The following ZC2HC1B variants were observed in gnomAD, a reference collection of about 807,000 sequenced individuals.
The protein encoded by ZC2HC1B is zinc finger C2HC domain-containing protein 1B.
Under a neutral mutation model 31.0 loss-of-function variants are expected in ZC2HC1B, and 36 were observed. That is an observed-to-expected ratio of 1.16 (90% CI 0.89 to 1.54). ZC2HC1B has a LOEUF of 1.54. Among genes scored for constraint, ZC2HC1B ranks in the 40% most tolerant of loss-of-function variants. The probability of loss-of-function intolerance (pLI) is 0.00; values close to 1 mark genes in which losing one functional copy is unlikely to be tolerated. For missense variants in ZC2HC1B, 260 were observed against 268.6 expected (o/e 0.97, Z 0.22); for synonymous variants, 73 against 88.0 (o/e 0.83, Z 0.95).
chr6:143,937,341 G>A (rs1778190403), intron 6 of ZC2HC1B, among the ~76,000 whole-genome samples: 2 of 152,162 alleles, frequency 1.3e-5, no homozygotes, highest in Admixed American at 1.3e-4. Flanking sequence ...GGGCAATAGC[G>A]GAGGGGATGT....
intron 1 of ZC2HC1B, among the ~76,000 whole-genome samples, chr6:143,882,080 G>A (rs191606489): frequency 2.4e-4 from 36 of 151,942 alleles, no homozygotes; most frequent in African/African-American, 8.2e-4. Flanking sequence ...TGCAGTCTTA[G>A]AGAAGTTGCC....
intron 1 of ZC2HC1B, among the ~76,000 whole-genome samples, chr6:143,873,555 C>T (rs1777370220): frequency 6.6e-6 from 1 of 152,238 alleles, no homozygotes; most frequent in African/African-American, 2.4e-5. Context: ...CAAACTTTTG[C>T]CTGAGAATCC....
chr6:143,893,146 GATTT>G (rs1198521613), intron 4 of ZC2HC1B, among the ~76,000 whole-genome samples: 2 of 152,040 alleles, frequency 1.3e-5, no homozygotes, highest in African/African-American at 2.4e-5. Context: ...AAGGTAAACA[GATTT>G]ATTTGAACAG....
At chr6:143,912,227 C>A (rs1015587336) in intron 6 of ZC2HC1B, among the ~76,000 whole-genome samples, 1 of 152,126 alleles carries the variant, frequency 6.6e-6, no homozygotes, top group African/African-American at 2.4e-5. Flanking sequence ...TTTATCTCAG[C>A]GAAGTTTATT....
Position 143,924,728 on chromosome 6 carries a change from G to C in ZC2HC1B, c.599-12921G>C, listed in dbSNP as rs934231901. Among the ~76,000 whole-genome samples the C allele has an allele frequency of 2.0e-4, 31 of 152,084 alleles. No homozygotes were observed. The highest frequency in any genetic ancestry group is 7.5e-4 in the African/African-American group (31 of 41,404). On this transcript the variant is annotated intron_variant, in intron 6 of 7. Coordinates refer to ENST00000237275, the MANE Select transcript of ZC2HC1B (RefSeq NM_001013623.3). The surrounding 1 kb of genome is among the most constrained non-coding windows in gnomAD (Gnocchi z 5.2). Reference sequence around the variant, plus strand: ...AGAGTTTTAATCATGAAAAGAAGTTGAATTTTATAAAATTCCTTTTCTCTG... The same window carrying C: ...AGAGTTTTAATCATGAAAAGAAGTTCAATTTTATAAAATTCCTTTTCTCTG...
intron 4 of ZC2HC1B, among the ~76,000 whole-genome samples, chr6:143,888,826 T>C (rs1359341564): frequency 4.6e-5 from 7 of 152,030 alleles, no homozygotes; most frequent in Admixed American, 4.6e-4. Context: ...AATAAGATTA[T>C]GTCACCTGAA....
Position 143,908,408 on chromosome 6 carries a change from G to C in ZC2HC1B, c.598+5256G>C, listed in dbSNP as rs12211801. On this transcript the variant is annotated intron_variant, in intron 6 of 7. Coordinates refer to ENST00000237275, the MANE Select transcript of ZC2HC1B (RefSeq NM_001013623.3). This position sits in a 1 kb window ranked among gnomAD's most constrained non-coding sequence, Gnocchi z 4.4. ...TGATATTGATTCTTCCTATTCATGAGCATGGTATATTTTTCCATTTGTTTG... is the reference window on the plus strand; with the variant it reads ...TGATATTGATTCTTCCTATTCATGACCATGGTATATTTTTCCATTTGTTTG... Among the ~76,000 whole-genome samples, 5 of 152,124 alleles carry C rather than the reference G, an allele frequency of 3.3e-5. No homozygotes were observed. Among genetic ancestry groups the C allele is most frequent in the African/African-American group, 7.2e-5 (3 of 41,432 alleles).
intron 1 of ZC2HC1B, among the ~76,000 whole-genome samples, chr6:143,876,566 T>C (rs930770950): frequency 3.3e-5 from 5 of 150,482 alleles, no homozygotes; most frequent in Non-Finnish European, 5.9e-5. Flanking sequence ...GAACTCCTGG[T>C]ACAAAAATCT....
rs939543139 is a variant in ZC2HC1B, at chr6:143,903,077, A to C, written c.523A>C (p.Thr175Pro). The change falls in exon 6 of 8, where the codon ACT becomes CCT. Residue 175 changes from threonine to proline, a missense_variant. Thr to Pro is a conservative substitution (Grantham distance 38). Coordinates refer to ENST00000237275, the MANE Select transcript of ZC2HC1B (RefSeq NM_001013623.3). The surrounding 1 kb of genome is among the most constrained non-coding windows in gnomAD (Gnocchi z 4.3). Reference protein sequence around the residue: ...RAQMGPKKEPTVTSAVGALLQ... With the variant: ...RAQMGPKKEPPVTSAVGALLQ... ...TCAGATGGGTCCAAAAAAAGAACCAACTGTTACCAGTGCTGTGGGAGCTTT... is the reference window on the plus strand; with the variant it reads ...TCAGATGGGTCCAAAAAAAGAACCACCTGTTACCAGTGCTGTGGGAGCTTT... The C allele has an allele frequency of 6.4e-7, 1 of 1,551,862 alleles. No individual in the cohort carries two copies. The highest frequency in any genetic ancestry group is 1.2e-5 in the South Asian group (1 of 84,058).
chr6:143,907,378 A>G (rs1777808174), intron 6 of ZC2HC1B, among the ~76,000 whole-genome samples: 1 of 152,226 alleles, frequency 6.6e-6, no homozygotes, highest in South Asian at 2.1e-4. Flanking sequence ...CAATGGTTAA[A>G]CTAATTTATA....
rs1777933051 is a variant in ZC2HC1B, at chr6:143,917,491, T to C, written c.598+14339T>C. Among the ~76,000 whole-genome samples the C allele has an allele frequency of 6.6e-6, 1 of 152,250 alleles. No homozygotes were observed. The highest frequency in any genetic ancestry group is 6.5e-5 in the Admixed American group (1 of 15,278). On this transcript the variant is annotated intron_variant, in intron 6 of 7. Coordinates refer to ENST00000237275, the MANE Select transcript of ZC2HC1B (RefSeq NM_001013623.3). The surrounding 1 kb of genome is among the most constrained non-coding windows in gnomAD (Gnocchi z 4.1). ...CTTCCTAATGTTATCACATTCTCAT[T>C]TGAATTTATTCCAGCTTATCTTCAT...
intron 1 of ZC2HC1B, among the ~76,000 whole-genome samples, chr6:143,873,616 A>G (rs1393071706): frequency 6.6e-6 from 1 of 152,194 alleles, no homozygotes; most frequent in Admixed American, 6.5e-5. Context: ...CCAAACCTCA[A>G]TTCTTCACTT....
In ZC2HC1B at chr6:143,915,952, G is replaced by C. The variant is rs535889025; in HGVS notation, c.598+12800G>C. Among the ~76,000 whole-genome samples the C allele has an allele frequency of 1.3e-5, 2 of 152,334 alleles. No individual in the cohort carries two copies. Among genetic ancestry groups the C allele is most frequent in the South Asian group, 4.1e-4 (2 of 4,828 alleles). On this transcript the variant is annotated intron_variant, in intron 6 of 7. Transcript: ENST00000237275. This position sits in a 1 kb window ranked among gnomAD's most constrained non-coding sequence, Gnocchi z 5.2. ...TTCTGGGGAGAAATTCAAACTGGCT[G>C]CAGAAATTTGTATAGGTAATGAGGA...
intron 6 of ZC2HC1B, among the ~76,000 whole-genome samples, chr6:143,928,210 A>C (rs1778073729): frequency 6.6e-6 from 1 of 152,144 alleles, no homozygotes; most frequent in African/African-American, 2.4e-5. Flanking sequence ...CAATGTCCAG[A>C]AGAGTTGTTC....
Position 143,885,041 on chromosome 6 carries a change from AT to A in ZC2HC1B, c.90+684del, listed in dbSNP as rs562929989. ...TATAAAGGGGTTCCCAAGAAAGATG[AT>A]TTTTTTTCAAAAAGAAAATCTAAGA... On this transcript the variant is annotated intron_variant, in intron 2 of 7. Coordinates refer to ENST00000237275, the MANE Select transcript of ZC2HC1B (RefSeq NM_001013623.3). The surrounding 1 kb of genome is among the most constrained non-coding windows in gnomAD (Gnocchi z 4.2). Among the ~76,000 whole-genome samples the A allele has an allele frequency of 1.3e-5, 2 of 151,956 alleles. No individual in the cohort carries two copies. Among genetic ancestry groups the A allele is most frequent in the Admixed American group, 1.3e-4 (2 of 15,248 alleles).
rs1018625708 is a variant in ZC2HC1B at position 143,915,761 on chromosome 6, T to G, written c.598+12609T>G. Among the ~76,000 whole-genome samples, 1 of 152,204 alleles carries G rather than the reference T, an allele frequency of 6.6e-6. No individual in the cohort carries two copies. The highest frequency in any genetic ancestry group is 2.4e-5 in the African/African-American group (1 of 41,446). ...CATAGAGATGTGTGGAACTTTGGAC[T>G]TCAGGGAGATGACTTAGGGTATCTG... On this transcript the variant is annotated intron_variant, in intron 6 of 7. Transcript: ENST00000237275. The surrounding 1 kb of genome is among the most constrained non-coding windows in gnomAD (Gnocchi z 5.2).
chr6:143,936,672 A>C (rs977641649), intron 6 of ZC2HC1B, among the ~76,000 whole-genome samples: 1 of 152,230 alleles, frequency 6.6e-6, no homozygotes, highest in Non-Finnish European at 1.5e-5. Flanking sequence ...CACTATGAGC[A>C]TGTAGTTCTG....
At chr6:143,902,931 G>A (rs1271186208) in intron 5 of ZC2HC1B, 113 bp from the exon 6 acceptor site, 1 of 925,022 alleles carries the variant, frequency 1.1e-6, no homozygotes, top group Admixed American at 2.1e-5. Context: ...GGGAGTCCCT[G>A]CAGATGATAC....
At chr6:143,900,758 T>A (rs1777728261) in intron 5 of ZC2HC1B, among the ~76,000 whole-genome samples, 1 of 152,158 alleles carries the variant, frequency 6.6e-6, no homozygotes, top group Non-Finnish European at 1.5e-5. Context: ...AGGAAGACAA[T>A]CTCTGTAGAT....
Sources: allele counts gnomAD v4.1 joint callset (sites outside exome capture counted in the v4.1 genomes callset), GRCh38; gene constraint gnomAD v4.1.1; non-coding constraint Gnocchi (gnomAD v3.1); transcripts MANE v1.5; gene names NCBI Gene and HGNC (gene_info 2026-07-23, HGNC 2026-07-21).